The following FAM184A variants were observed in gnomAD, a reference collection of about 807,000 sequenced individuals.
FAM184A encodes the protein family with sequence similarity 184 member A.
In FAM184A, 99 loss-of-function variants were observed where a neutral mutation model predicts 143.8. The ratio of observed to expected loss-of-function variants is 0.69; its 90% CI spans 0.58 to 0.81. FAM184A has a LOEUF of 0.81. Ranked by LOEUF, FAM184A falls within the 40% of genes least tolerant of loss-of-function variation. The probability of loss-of-function intolerance (pLI) is 0.00; values close to 1 mark genes in which losing one functional copy is unlikely to be tolerated. For synonymous variants in FAM184A, 427 were observed against 446.4 expected, an observed-to-expected ratio of 0.96 and a Z score of 0.55; for missense variants, 1,217 against 1,310.5, an observed-to-expected ratio of 0.93 and a Z score of 1.10.
chr6:119,074,437 T>C (rs989020200), intron 1 of FAM184A, among the ~76,000 whole-genome samples: 1 of 152,240 alleles, frequency 6.6e-6, no homozygotes, highest in Non-Finnish European at 1.5e-5. Flanking sequence ...CTGGGCATTT[T>C]AATTTTAATA....
intron 6 of FAM184A, 77 bp from the exon 7 acceptor site, chr6:119,006,685 GTTT>G: frequency 8.4e-7 from 1 of 1,190,054 alleles, no homozygotes. Context: ...TCTTCCTAAA[GTTT>G]TTTATTTAGT....
intron 1 of FAM184A, among the ~76,000 whole-genome samples, chr6:119,040,088 C>CG (rs751922646): frequency 7.9e-5 from 12 of 152,300 alleles, no homozygotes; most frequent in Middle Eastern, 3.4e-3. Flanking sequence ...CTTCATATGC[C>CG]TGCGTGGGTC....
At chr6:119,058,171 CTCTCTTT>C (rs1787075675) in intron 1 of FAM184A, among the ~76,000 whole-genome samples, 1 of 140,512 alleles carries the variant, frequency 7.1e-6, no homozygotes, top group African/African-American at 2.7e-5. Context: ...AATTCTCCTT[CTCTCTTT>C]TTTTTTTTTT....
At chr6:119,089,849 T>C (rs1034436591) in intron 1 of FAM184A, among the ~76,000 whole-genome samples, 1 of 152,224 alleles carries the variant, frequency 6.6e-6, no homozygotes, top group Non-Finnish European at 1.5e-5. Flanking sequence ...TCTTTCTCTT[T>C]TTTCCTTATT....
intron 1 of FAM184A, among the ~76,000 whole-genome samples, chr6:119,097,612 A>T (rs1222289114): frequency 3.3e-5 from 5 of 152,180 alleles, no homozygotes; most frequent in Admixed American, 3.3e-4. Flanking sequence ...TAAGTGGCCG[A>T]AACAATAATC....
intron 1 of FAM184A, among the ~76,000 whole-genome samples, chr6:119,094,384 G>T (rs1788452320): frequency 6.6e-6 from 1 of 150,984 alleles, no homozygotes; most frequent in Non-Finnish European, 1.5e-5. Context: ...TTTCACAAAA[G>T]CCAGTCAATT....
chr6:119,027,838 A>T (rs1344198525), intron 1 of FAM184A, among the ~76,000 whole-genome samples: 1 of 152,170 alleles, frequency 6.6e-6, no homozygotes, highest in Non-Finnish European at 1.5e-5. Flanking sequence ...TTTTATTAGT[A>T]AGTTTCTTCC....
At chr6:119,041,401 A>G (rs1297961593) in intron 1 of FAM184A, among the ~76,000 whole-genome samples, 2 of 152,218 alleles carry the variant, frequency 1.3e-5, no homozygotes, top group South Asian at 2.1e-4. Context: ...CACTCGGCCA[A>G]TCAGGTAGTA....
chr6:119,069,043 T>C (rs778605764), intron 1 of FAM184A: 1 of 390,576 alleles, frequency 2.6e-6, no homozygotes, highest in East Asian at 9.4e-5. Context: ...GGAAAATATA[T>C]GTGAAGTATT....
intron 5 of FAM184A, among the ~76,000 whole-genome samples, chr6:119,015,053 G>T (rs1229343177): frequency 2.7e-5 from 4 of 149,468 alleles, no homozygotes; most frequent in Non-Finnish European, 5.9e-5. Flanking sequence ...GACAGAGCGA[G>T]ACTCTGTCTC....
intron 1 of FAM184A, among the ~76,000 whole-genome samples, chr6:119,030,232 C>T (rs1209845405): frequency 6.6e-6 from 1 of 151,974 alleles, no homozygotes; most frequent in Non-Finnish European, 1.5e-5. Flanking sequence ...AACATAATAA[C>T]AAATTAATAC....
intron 11 of FAM184A, among the ~76,000 whole-genome samples, chr6:118,976,526 T>C (rs951926486): frequency 1.3e-5 from 2 of 151,876 alleles, no homozygotes; most frequent in African/African-American, 4.8e-5. Context: ...TAGCCAGGCA[T>C]GGTGGTAGGT....
Position 119,020,131 on chromosome 6 carries a change from T to C in FAM184A, c.1179A>G (p.Gln393=), listed in dbSNP as rs541647463. 45 of 1,598,152 alleles carry C rather than the reference T, an allele frequency of 2.8e-5. No homozygotes were observed. The highest frequency in any genetic ancestry group is 1.7e-4 in the Middle Eastern group (1 of 5,754). ...ASHIGMLQAT[Q]MTQEVTIKDL... ...CTTTAATTGTAACTTCCTGGGTCAT[T>C]TGAGTTGCTTGAAGCATTCCAATAT... Residue 393 remains glutamine (Q), a synonymous_variant, in exon 4 of 18, where the codon CAA becomes CAG. Transcript: ENST00000338891.
Position 118,992,824 on chromosome 6 carries a change from G to C in FAM184A, c.2088+10075C>G, listed in dbSNP as rs1286945898. 2.0e-5 allele frequency among the ~76,000 whole-genome samples: 3 copies of C among 152,162 alleles called. No individual in the cohort carries two copies. The East Asian group carries it at 5.8e-4, about 29-fold the overall frequency. On this transcript the variant is annotated intron_variant, in intron 9 of 17. Transcript: ENST00000338891. Reference sequence around the variant, plus strand: ...ATGTACCTGTAGTGCCAGCTACTCAGAAGGCTGAAGTTAGAGAATCACTTG... The same window carrying C: ...ATGTACCTGTAGTGCCAGCTACTCACAAGGCTGAAGTTAGAGAATCACTTG...
chr6:119,113,252 G>A (rs1190078421), intron 1 of FAM184A, among the ~76,000 whole-genome samples: 2 of 152,082 alleles, frequency 1.3e-5, no homozygotes, highest in Non-Finnish European at 2.9e-5. Context: ...CTGTGGCCAG[G>A]AAACTCTCTC....
intron 1 of FAM184A, among the ~76,000 whole-genome samples, chr6:119,136,343 T>A (rs1349965220): frequency 6.7e-6 from 1 of 149,848 alleles, no homozygotes; most frequent in African/African-American, 2.5e-5. Flanking sequence ...TTTTTTCTAA[T>A]GTGTATACTA....
At chr6:119,092,641 G>T (rs1788401918) in intron 1 of FAM184A, among the ~76,000 whole-genome samples, 1 of 152,078 alleles carries the variant, frequency 6.6e-6, no homozygotes, top group South Asian at 2.1e-4. Flanking sequence ...TGAAAGGTCT[G>T]AATAAATAGC....
At chr6:119,019,121 A>G (rs562593154) in intron 4 of FAM184A, among the ~76,000 whole-genome samples, 14 of 152,242 alleles carry the variant, frequency 9.2e-5, no homozygotes, top group Admixed American at 6.5e-4. Flanking sequence ...ATGAGTGCGT[A>G]GAATTAGATG....
At chr6:119,097,490 C>G (rs887701096) in intron 1 of FAM184A, among the ~76,000 whole-genome samples, 10 of 152,148 alleles carry the variant, frequency 6.6e-5, no homozygotes, top group African/African-American at 2.4e-4. Context: ...GATTTGGGTA[C>G]AAGCAGTTTA....
Sources: allele counts gnomAD v4.1 joint callset (sites outside exome capture counted in the v4.1 genomes callset), GRCh38; gene constraint gnomAD v4.1.1; transcripts MANE v1.5; gene names NCBI Gene and HGNC (gene_info 2026-07-23, HGNC 2026-07-21).